C4orf51: variants seen among roughly 807,000 people sequenced by gnomAD.
The protein encoded by C4orf51 is uncharacterized protein C4orf51.
A neutral mutation model predicts 25.2 loss-of-function variants in C4orf51; 25 were observed. The ratio of observed to expected loss-of-function variants is 0.99; its 90% CI spans 0.72 to 1.39. The LOEUF is 1.39. Ranked by LOEUF, C4orf51 falls within the 40% of genes most tolerant of loss-of-function variation. The pLI is 0.00. For missense variants in C4orf51, 252 were observed against 239.6 expected, an observed-to-expected ratio of 1.05 and a Z score of -0.34; for synonymous variants, 100 against 84.5, an observed-to-expected ratio of 1.18 and a Z score of -1.01.
chr4:145,757,503 A>C (rs1734038920), downstream of C4orf51: 1 of 152,224 alleles, frequency 6.6e-6, no homozygotes, highest in Non-Finnish European at 1.5e-5. Context: ...TATAACCAGG[A>C]GTGGACACTT....
At chr4:145,727,401 A>G (rs1334485323) in intron 3 of C4orf51, among the ~76,000 whole-genome samples, 1 of 152,208 alleles carries the variant, frequency 6.6e-6, no homozygotes, top group South Asian at 2.1e-4. Context: ...ACTTATGTAT[A>G]CATAAGGATA....
chr4:145,692,968 T>TTTTTTTTG (rs1553962474), intron 1 of C4orf51, among the ~76,000 whole-genome samples: 7 of 109,962 alleles, frequency 6.4e-5, no homozygotes, highest in Non-Finnish European at 1.3e-4. Context: ...TTTTTTTTTT[T>TTTTTTTTG]TTTTTTTTTT....
chr4:145,763,056 GCA>G lies in C4orf51; in HGVS notation n.167-7925_167-7924del. The stretch of plus-strand genomic sequence containing the variant: ...TATAAAGCCCATTCCCAGGTCAGGT[GCA>G]CACACAACCCCTACGCCAAGCTGGG... On this transcript the variant is annotated intron_variant and non_coding_transcript_variant, in intron 1 of 1. Transcript: ENST00000510096. This position sits in a 1 kb window ranked among gnomAD's most constrained non-coding sequence, Gnocchi z 4.6. 6.5e-7 allele frequency: 1 copy of G among 1,529,804 alleles called. No homozygotes were observed. The highest frequency in any genetic ancestry group is 8.8e-7 in the Non-Finnish European group (1 of 1,141,922). 94.8% of individuals were successfully genotyped at this position (1,529,804 alleles called of 1,614,324 possible). A position where few individuals can be genotyped will look rare whatever the true frequency, so the allele number is the denominator to read the frequency against.
intron 1 of C4orf51, among the ~76,000 whole-genome samples, chr4:145,742,977 T>C (rs1733182449): frequency 2.0e-5 from 3 of 152,158 alleles, no homozygotes; most frequent in Admixed American, 2.0e-4. Flanking sequence ...CAGAGCTCTT[T>C]GATGGATTAA....
At position 145,765,302 on chromosome 4, in the gene C4orf51, A is replaced by G. The variant is rs964724213; in HGVS notation, n.167-5686A>G. Reference sequence around the variant, plus strand: ...TATACCCTTCCAGGCACTGTTCCCCATATCTCTGTGCTAAAAGGAGTTAAA... The same window carrying G: ...TATACCCTTCCAGGCACTGTTCCCCGTATCTCTGTGCTAAAAGGAGTTAAA... On this transcript the variant is annotated intron_variant and non_coding_transcript_variant, in intron 1 of 1. Coordinates refer to the C4orf51 transcript ENST00000510096. The surrounding 1 kb of genome is among the most constrained non-coding windows in gnomAD (Gnocchi z 4.7). 3.1e-5 allele frequency: 33 copies of G among 1,057,692 alleles called. No individual in the cohort carries two copies. Among genetic ancestry groups the G allele is most frequent in the Middle Eastern group, 3.1e-4 (1 of 3,206 alleles). 65.5% of individuals were successfully genotyped at this position (1,057,692 alleles called of 1,614,324 possible).
chr4:145,731,514 C>T (rs1560854538), intron 5 of C4orf51, among the ~76,000 whole-genome samples: 2 of 148,622 alleles, frequency 1.3e-5, no homozygotes, highest in South Asian at 4.2e-4. Flanking sequence ...GACCTAGAGT[C>T]CTGAGCAAAA....
chr4:145,711,152 G>A (rs903459468), intron 2 of C4orf51, among the ~76,000 whole-genome samples: 4 of 151,958 alleles, frequency 2.6e-5, no homozygotes, highest in Non-Finnish European at 2.9e-5. Flanking sequence ...GGTCCAAATT[G>A]CCCTTAAAGC....
At chr4:145,731,676 G>A (rs539530831) in intron 5 of C4orf51, among the ~76,000 whole-genome samples, 7 of 138,280 alleles carry the variant, frequency 5.1e-5, no homozygotes, top group East Asian at 4.5e-4. Context: ...CCACCTCCTG[G>A]GTTCAAGCAA....
chr4:145,743,600 A>C (rs762490201), intron 1 of C4orf51, among the ~76,000 whole-genome samples: 1 of 152,250 alleles, frequency 6.6e-6, no homozygotes, highest in Non-Finnish European at 1.5e-5. Flanking sequence ...GATTCAAACC[A>C]TAGGACTTTC....
chr4:145,755,191 G>A (rs562611541), downstream of C4orf51, among the ~76,000 whole-genome samples: 35 of 152,296 alleles, frequency 2.3e-4, no homozygotes, highest in African/African-American at 8.4e-4. Context: ...AGGGGCCTTA[G>A]AGATCATTTA....
chr4:145,749,319 T>C (rs891559589), intron 1 of C4orf51, among the ~76,000 whole-genome samples: 30 of 152,030 alleles, frequency 2.0e-4, no homozygotes, highest in African/African-American at 7.2e-4. Context: ...CAACAGATCA[T>C]TGGGTCTTGT....
At chr4:145,738,433 G>C (rs913424309) in intron 1 of C4orf51, among the ~76,000 whole-genome samples, 1 of 145,828 alleles carries the variant, frequency 6.9e-6, no homozygotes, top group African/African-American at 2.5e-5. Flanking sequence ...CTGGGCGACA[G>C]AGCGAGACTC....
chr4:145,706,084 A>G (rs985296469), intron 2 of C4orf51, among the ~76,000 whole-genome samples: 1 of 152,202 alleles, frequency 6.6e-6, no homozygotes. Flanking sequence ...TGCAGACAAA[A>G]ACTCAAAAAC....
chr4:145,702,976 C>G (rs1730556646), intron 2 of C4orf51, among the ~76,000 whole-genome samples: 1 of 151,610 alleles, frequency 6.6e-6, no homozygotes, highest in African/African-American at 2.4e-5. Flanking sequence ...CTCTCCATAC[C>G]ACCCCCCCAA....
At chr4:145,693,842 T>C (rs1299632741) in intron 1 of C4orf51, among the ~76,000 whole-genome samples, 2 of 76,940 alleles carry the variant, frequency 2.6e-5, no homozygotes, top group African/African-American at 5.7e-5. Context: ...GCGGGGGGGC[T>C]GACCCCCCCC....
At chr4:145,757,242 C>A (rs1439292686), downstream of C4orf51, among the ~76,000 whole-genome samples, 1 of 152,174 alleles carries the variant, frequency 6.6e-6, no homozygotes, top group African/African-American at 2.4e-5. Flanking sequence ...AGTTGCCCAA[C>A]TTCATTAAGA....
chr4:145,731,630 G>A (rs1406699052), intron 5 of C4orf51, among the ~76,000 whole-genome samples: 1 of 117,546 alleles, frequency 8.5e-6, no homozygotes, highest in African/African-American at 3.4e-5. Context: ...TGCCCAGGCT[G>A]GAGTGCAATG....
rs1415277187 is a variant in C4orf51, at chr4:145,765,205, GC to G, written n.167-5782del. On this transcript the variant is annotated intron_variant and non_coding_transcript_variant, in intron 1 of 1. Transcript: ENST00000510096. The surrounding 1 kb of genome is among the most constrained non-coding windows in gnomAD (Gnocchi z 4.7). Reference sequence around the variant, plus strand: ...GCTGGGTATAGAGGTGCACAGGGCAGCGGGGAGAGGAGGGCAGGAGTGGAGC... The same window carrying G: ...GCTGGGTATAGAGGTGCACAGGGCAGGGGGAGAGGAGGGCAGGAGTGGAGC... 2.6e-6 allele frequency: 4 copies of G among 1,544,702 alleles called. No individual in the cohort carries two copies. Among genetic ancestry groups the G allele is most frequent in the Non-Finnish European group, 3.5e-6 (4 of 1,143,098 alleles).
At chr4:145,705,916 C>T (rs995783403) in intron 2 of C4orf51, among the ~76,000 whole-genome samples, 10 of 152,160 alleles carry the variant, frequency 6.6e-5, no homozygotes, top group African/African-American at 2.4e-4. Context: ...GTTATGCCTG[C>T]TAAGACTTGG....
Sources: gnomAD v4.1 joint callset for allele counts (sites outside exome capture counted in the v4.1 genomes callset) on GRCh38, gnomAD v4.1.1 for gene constraint, Gnocchi (gnomAD v3.1) non-coding constraint, MANE v1.5 for transcripts, NCBI Gene and HGNC (gene_info 2026-07-23, HGNC 2026-07-21) for gene names.